The following EYS variants were observed in gnomAD, a reference collection of about 807,000 sequenced individuals.
The protein encoded by EYS is EGF-like photoreceptor maintenance factor.
EYS carries 250 observed loss-of-function variants against 282.1 expected under a neutral mutation model. That is an observed-to-expected ratio of 0.89 (90% CI 0.80 to 0.98). The LOEUF is 0.98. Among genes scored for constraint, EYS ranks in the 50% least tolerant of loss-of-function variants. EYS has a pLI of 0.00. For missense variants in EYS, 4,016 were observed against 3,709.0 expected, an observed-to-expected ratio of 1.08 and a Z score of -2.15; for synonymous variants, 1,355 against 1,282.9, an observed-to-expected ratio of 1.06 and a Z score of -1.20.
At chr6:63,810,305 C>G (rs1436340842) in intron 36 of EYS, among the ~76,000 whole-genome samples, 2 of 84,962 alleles carry the variant, frequency 2.4e-5, no homozygotes, top group African/African-American at 4.9e-5. Flanking sequence ...ACAAAAACAA[C>G]CCCCCCCCCC....
intron 26 of EYS, among the ~76,000 whole-genome samples, chr6:64,531,977 A>G (rs1265825369): frequency 6.6e-6 from 1 of 152,168 alleles, no homozygotes; most frequent in Admixed American, 6.6e-5. Flanking sequence ...GCAGTCTCAA[A>G]TAGGTGGACA....
chr6:64,326,820 G>GAGC (rs34228992), intron 29 of EYS, among the ~76,000 whole-genome samples: 108,679 of 151,640 alleles, frequency 0.72, 39,141 homozygotes, highest in African/African-American at 0.79. Context: ...ATGGTCACGG[G>GAGC]AGCATGTGCA....
chr6:65,153,363 ATGTGTGTGTGTGTGTGTGTGTGTG>A (rs67661407), intron 12 of EYS, among the ~76,000 whole-genome samples: 54 of 135,858 alleles, frequency 4.0e-4, no homozygotes, highest in African/African-American at 1.2e-3. Context: ...GAGATCATAA[ATGTGTGTGTGTGTGTGTGTGTGTG>A]TGTGTGTGTG....
chr6:64,401,959 G>T (rs1475504847), intron 28 of EYS, among the ~76,000 whole-genome samples: 1 of 152,038 alleles, frequency 6.6e-6, no homozygotes, highest in Non-Finnish European at 1.5e-5. Flanking sequence ...TTTCTTATTT[G>T]GTTATCTATA....
chr6:65,510,009 T>C (rs1766803163), intron 2 of EYS, among the ~76,000 whole-genome samples: 1 of 144,518 alleles, frequency 6.9e-6, no homozygotes, highest in Non-Finnish European at 1.5e-5. Flanking sequence ...GAAAATTTTC[T>C]TTTTTTTTTC....
At position 63,925,715 on chromosome 6, in the gene EYS, C is replaced by T. The variant is rs12153910; in HGVS notation, c.7055+58668G>A. Among the ~76,000 whole-genome samples the T allele has an allele frequency of 4.6e-3, 694 of 152,324 alleles. 4 individuals carry two copies. Among genetic ancestry groups the T allele is most frequent in the Non-Finnish European group, 8.2e-3 (558 of 68,020 alleles). ...CTGGAGTGCAGTGGCACGATCTTGG[C>T]TCACTGCAACCTCTGCCTCCCAGGT... On this transcript the variant is annotated intron_variant, in intron 35 of 42. Transcript: ENST00000503581.
chr6:65,128,946 T>C (rs1040043267), intron 12 of EYS, among the ~76,000 whole-genome samples: 1 of 151,968 alleles, frequency 6.6e-6, no homozygotes, highest in African/African-American at 2.4e-5. Context: ...AAAACCAGCA[T>C]GGAACTGGTA....
chr6:65,179,469 A>G (rs1445984969), intron 12 of EYS, among the ~76,000 whole-genome samples: 1 of 152,182 alleles, frequency 6.6e-6, no homozygotes, highest in Admixed American at 6.5e-5. Flanking sequence ...GAAGAAATGG[A>G]TAAATTCCTC....
At chr6:63,957,949 C>T (rs1765893776) in intron 35 of EYS, among the ~76,000 whole-genome samples, 1 of 140,760 alleles carries the variant, frequency 7.1e-6, no homozygotes, top group African/African-American at 2.4e-5. Flanking sequence ...TACTGAGAGG[C>T]ATAAATTTGG....
At chr6:65,559,323 A>G (rs1345158541) in intron 2 of EYS, among the ~76,000 whole-genome samples, 1 of 152,224 alleles carries the variant, frequency 6.6e-6, no homozygotes, top group Non-Finnish European at 1.5e-5. Flanking sequence ...CCAAGGTTGC[A>G]GTGAGCTGAG....
At chr6:65,515,073 C>T (rs557646873) in intron 2 of EYS, among the ~76,000 whole-genome samples, 61 of 152,130 alleles carry the variant, frequency 4.0e-4, no homozygotes, top group Admixed American at 7.9e-4. Context: ...GAATCTACAA[C>T]GAACTCAAAC....
chr6:64,175,612 A>G (rs1764604604), intron 31 of EYS, among the ~76,000 whole-genome samples: 1 of 152,194 alleles, frequency 6.6e-6, no homozygotes, highest in Non-Finnish European at 1.5e-5. Context: ...TGCACATGCC[A>G]GGGCATAAAG....
chr6:64,366,514 C>A (rs989753997), intron 29 of EYS, among the ~76,000 whole-genome samples: 1 of 151,974 alleles, frequency 6.6e-6, no homozygotes, highest in Non-Finnish European at 1.5e-5. Context: ...ATGCCATTTG[C>A]AAACAATTTA....
At chr6:63,809,714 G>C (rs1333128386) in intron 36 of EYS, among the ~76,000 whole-genome samples, 1 of 152,082 alleles carries the variant, frequency 6.6e-6, no homozygotes, top group Non-Finnish European at 1.5e-5. Context: ...AGAGCCTTGA[G>C]TAAAGAGGGA....
chr6:64,770,937 T>A (rs2149985866), intron 22 of EYS, among the ~76,000 whole-genome samples: 1 of 151,944 alleles, frequency 6.6e-6, no homozygotes, highest in East Asian at 1.9e-4. Flanking sequence ...TCAAGAGGGA[T>A]ATAATATATT....
At chr6:64,853,410 C>G (rs1021397231) in intron 19 of EYS, among the ~76,000 whole-genome samples, 21 of 152,002 alleles carry the variant, frequency 1.4e-4, no homozygotes, top group South Asian at 1.2e-3. Flanking sequence ...TTTTTCCATG[C>G]AGAATACCAG....
intron 26 of EYS, among the ~76,000 whole-genome samples, chr6:64,515,228 A>C (rs757414631): frequency 9.9e-5 from 15 of 151,728 alleles, no homozygotes; most frequent in Non-Finnish European, 1.9e-4. Context: ...TATATGGATT[A>C]AGAATAATTT....
intron 5 of EYS, among the ~76,000 whole-genome samples, chr6:65,462,286 GTGAT>G (rs1303272951): frequency 6.6e-6 from 1 of 152,090 alleles, no homozygotes; most frequent in Non-Finnish European, 1.5e-5. Flanking sequence ...GAACAGATGA[GTGAT>G]TGGTAGGGTT....
intron 12 of EYS, among the ~76,000 whole-genome samples, chr6:65,217,592 G>A (rs1383806796): frequency 6.6e-6 from 1 of 152,010 alleles, no homozygotes; most frequent in Non-Finnish European, 1.5e-5. Flanking sequence ...TTTAATTAGG[G>A]TAATCACAGA....
Sources: allele counts gnomAD v4.1 joint callset (sites outside exome capture counted in the v4.1 genomes callset), GRCh38; gene constraint gnomAD v4.1.1; transcripts MANE v1.5; gene names NCBI Gene and HGNC (gene_info 2026-07-23, HGNC 2026-07-21).